The following SLCO3A1 variants were observed in gnomAD, a reference collection of about 807,000 sequenced individuals.
SLCO3A1 encodes the protein solute carrier organic anion transporter family member 3A1.
Under a neutral mutation model 63.1 loss-of-function variants are expected in SLCO3A1, and 27 were observed. The observed-to-expected ratio is 0.43, with a 90% CI of 0.32 to 0.59. The LOEUF (loss-of-function observed/expected upper bound fraction) is 0.59. SLCO3A1 is among the 20% of genes least tolerant of loss of function. The pLI is 0.09. For missense variants in SLCO3A1, 773 were observed against 945.8 expected (o/e 0.82, Z 2.40); for synonymous variants, 473 against 409.9 (o/e 1.15, Z -1.86).
intron 9 of SLCO3A1, among the ~76,000 whole-genome samples, chr15:92,152,041 T>G (rs919602626): frequency 6.6e-6 from 1 of 152,186 alleles, no homozygotes; most frequent in Non-Finnish European, 1.5e-5. Flanking sequence ...GGGCATGTGA[T>G]GGGGGAAGGG....
At chr15:92,019,311 C>G (rs2046477616) in intron 2 of SLCO3A1, among the ~76,000 whole-genome samples, 1 of 152,154 alleles carries the variant, frequency 6.6e-6, no homozygotes, top group Non-Finnish European at 1.5e-5. Context: ...CAGCTTGCTC[C>G]TCTGTGACTT....
chr15:91,931,032 A>G (rs919090023), intron 2 of SLCO3A1, among the ~76,000 whole-genome samples: 2 of 152,254 alleles, frequency 1.3e-5, no homozygotes, highest in African/African-American at 4.8e-5. Flanking sequence ...AGGCTGATAC[A>G]TATGCATTTA....
intron 1 of SLCO3A1, among the ~76,000 whole-genome samples, chr15:91,895,379 CA>C (rs1222793405): frequency 6.6e-6 from 1 of 152,124 alleles, no homozygotes; most frequent in African/African-American, 2.4e-5. Flanking sequence ...AAGGAAGTGT[CA>C]AGTAGTTTAA....
At chr15:91,969,468 G>A (rs1190732813) in intron 2 of SLCO3A1, among the ~76,000 whole-genome samples, 1 of 152,012 alleles carries the variant, frequency 6.6e-6, no homozygotes. Context: ...ACCATGCCTG[G>A]CTAATTTTTG....
chr15:91,992,402 G>A (rs369732850), intron 2 of SLCO3A1, among the ~76,000 whole-genome samples: 29 of 152,258 alleles, frequency 1.9e-4, no homozygotes, highest in African/African-American at 5.8e-4. Flanking sequence ...CTCTGACCTC[G>A]TGAAGGTTAT....
rs186825966 is a variant in SLCO3A1 at position 91,872,389 on chromosome 15, G to A, written c.180+18301G>A. On this transcript the variant is annotated intron_variant, in intron 1 of 9. Coordinates refer to ENST00000318445, the MANE Select transcript of SLCO3A1 (RefSeq NM_013272.4). The surrounding 1 kb of genome is among the most constrained non-coding windows in gnomAD (Gnocchi z 4.1). ...CTACTAAAAATACAAAAAAATAGCCGGGCATGGTGGCAGTTGCCTGTAATC... is the reference window on the plus strand; with the variant it reads ...CTACTAAAAATACAAAAAAATAGCCAGGCATGGTGGCAGTTGCCTGTAATC... 3.7e-3 allele frequency among the ~76,000 whole-genome samples: 564 copies of A among 152,164 alleles called. 8 individuals are homozygous for A. The highest frequency in any genetic ancestry group is 0.013 in the African/African-American group (532 of 41,530).
chr15:91,900,121 T>C lies in SLCO3A1; in HGVS notation c.181-15872T>C, dbSNP rs1898113980. 6.6e-6 allele frequency among the ~76,000 whole-genome samples: 1 copy of C among 152,242 alleles called. No individual in the cohort carries two copies. Among genetic ancestry groups the C allele is most frequent in the African/African-American group, 2.4e-5 (1 of 41,472 alleles). On this transcript the variant is annotated intron_variant, in intron 1 of 9. Transcript: ENST00000318445. This position sits in a 1 kb window ranked among gnomAD's most constrained non-coding sequence, Gnocchi z 4.3. ...TATGAATAATTCTATTTGCTGTCAATATAAATGTGTGTTTTTAATTCTCTT... is the reference window on the plus strand; with the variant it reads ...TATGAATAATTCTATTTGCTGTCAACATAAATGTGTGTTTTTAATTCTCTT...
At chr15:91,979,705 C>T (rs1400732214) in intron 2 of SLCO3A1, among the ~76,000 whole-genome samples, 1 of 152,174 alleles carries the variant, frequency 6.6e-6, no homozygotes, top group Non-Finnish European at 1.5e-5. Flanking sequence ...TCCTCTAAAA[C>T]CAGAGATAAT....
intron 2 of SLCO3A1, among the ~76,000 whole-genome samples, chr15:92,008,321 C>T (rs568579879): frequency 1.3e-5 from 2 of 152,158 alleles, no homozygotes; most frequent in Admixed American, 6.5e-5. Flanking sequence ...GTTCGTATCC[C>T]CCTTTCGCCG....
At chr15:92,101,704 A>T (rs1316537806) in intron 3 of SLCO3A1, among the ~76,000 whole-genome samples, 1 of 152,108 alleles carries the variant, frequency 6.6e-6, no homozygotes, top group Non-Finnish European at 1.5e-5. Flanking sequence ...GGATAATTGA[A>T]ATGGAGAAAA....
chr15:91,953,162 A>G (rs1198256765), intron 2 of SLCO3A1, among the ~76,000 whole-genome samples: 1 of 152,194 alleles, frequency 6.6e-6, no homozygotes, highest in Non-Finnish European at 1.5e-5. Flanking sequence ...CTGCAGAGGA[A>G]ACATCTATAT....
rs149264521 is a variant in SLCO3A1, at chr15:92,041,306, C to T, written c.647-53575C>T. ...TATCCAGGGCACACATCTTGCAGAA[C>T]AGGCATTGCAGAGGCAGGGAGGGAG... On this transcript the variant is annotated intron_variant, in intron 2 of 9. Coordinates refer to ENST00000318445, the MANE Select transcript of SLCO3A1 (RefSeq NM_013272.4). 2.2e-3 allele frequency among the ~76,000 whole-genome samples: 335 copies of T among 152,286 alleles called. 3 individuals are homozygous for T. Among genetic ancestry groups the T allele is most frequent in the African/African-American group, 7.8e-3 (326 of 41,558 alleles).
intron 2 of SLCO3A1, among the ~76,000 whole-genome samples, chr15:91,926,946 G>A (rs995991635): frequency 1.3e-5 from 2 of 152,104 alleles, no homozygotes; most frequent in African/African-American, 4.8e-5. Context: ...CAGGCATTTT[G>A]GGGTGAGATA....
At chr15:92,146,182 G>A (rs777499523) in intron 7 of SLCO3A1, among the ~76,000 whole-genome samples, 8 of 152,106 alleles carry the variant, frequency 5.3e-5, no homozygotes, top group African/African-American at 9.7e-5. Context: ...GCTTGGCACC[G>A]GGCACTGCCT....
intron 3 of SLCO3A1, among the ~76,000 whole-genome samples, chr15:92,102,213 A>G (rs2047613637): frequency 6.6e-6 from 1 of 152,146 alleles, no homozygotes; most frequent in Admixed American, 6.5e-5. Flanking sequence ...AAACACAGTA[A>G]GTGACTAGTG....
At chr15:91,981,729 A>T (rs1051833585) in intron 2 of SLCO3A1, among the ~76,000 whole-genome samples, 1 of 151,880 alleles carries the variant, frequency 6.6e-6, no homozygotes, top group African/African-American at 2.4e-5. Flanking sequence ...GGCTCTCTCA[A>T]TTTTTTCTTG....
At chr15:92,116,052 GCAGGTAC>G (rs2047791202) in intron 4 of SLCO3A1, among the ~76,000 whole-genome samples, 1 of 152,114 alleles carries the variant, frequency 6.6e-6, no homozygotes, top group Non-Finnish European at 1.5e-5. Context: ...TGCCATGGCA[GCAGGTAC>G]CAGGGTTTCA....
intron 4 of SLCO3A1, among the ~76,000 whole-genome samples, chr15:92,109,967 T>C (rs1169183055): frequency 6.6e-6 from 1 of 152,084 alleles, no homozygotes; most frequent in East Asian, 1.9e-4. Flanking sequence ...CCGTGCTCTT[T>C]CCCGTTTCCT....
chr15:92,098,209 C>G (rs1041883111), intron 3 of SLCO3A1: 1 of 152,444 alleles, frequency 6.6e-6, no homozygotes, highest in Non-Finnish European at 1.5e-5. Flanking sequence ...AGTGAGGAAG[C>G]CTGGTTGAAA....
Sources: gnomAD v4.1 joint callset for allele counts (sites outside exome capture counted in the v4.1 genomes callset) on GRCh38, gnomAD v4.1.1 for gene constraint, Gnocchi (gnomAD v3.1) non-coding constraint, MANE v1.5 for transcripts, NCBI Gene and HGNC (gene_info 2026-07-23, HGNC 2026-07-21) for gene names.